AUTS2: variants seen among roughly 807,000 people sequenced by gnomAD.
AUTS2 encodes activator of transcription and developmental regulator AUTS2.
In AUTS2, 17 loss-of-function variants were observed where a neutral mutation model predicts 112.4. That is an observed-to-expected ratio of 0.15 (90% confidence interval 0.10 to 0.23). The LOEUF is 0.23. Among genes scored for constraint, AUTS2 ranks in the 10% least tolerant of loss-of-function variants. The probability of loss-of-function intolerance (pLI) is 1.00; values close to 1 mark genes in which losing one functional copy is unlikely to be tolerated. For synonymous variants in AUTS2, 751 were observed against 702.7 expected (o/e 1.07, Z -1.09); for missense variants, 1,510 against 1,701.6 (o/e 0.89, Z 1.98).
intron 1 of AUTS2, among the ~76,000 whole-genome samples, chr7:69,716,230 TTGTGTGTGTGTGTCTG>T: frequency 6.6e-6 from 1 of 151,408 alleles, no homozygotes; most frequent in East Asian, 1.9e-4. Flanking sequence ...GTGTGTGTGT[TTGTGTGTGTGTGTCTG>T]TGTGTGTGTG....
chr7:69,919,443 T>G (rs892640913), intron 2 of AUTS2, among the ~76,000 whole-genome samples: 1 of 152,212 alleles, frequency 6.6e-6, no homozygotes, highest in South Asian at 2.1e-4. Flanking sequence ...ATTCATTTGA[T>G]CACTTAAGAG....
intron 1 of AUTS2, among the ~76,000 whole-genome samples, chr7:69,710,544 G>A (rs1798268610): frequency 6.6e-6 from 1 of 152,280 alleles, no homozygotes; most frequent in Middle Eastern, 3.4e-3. Flanking sequence ...AGCAACCACA[G>A]GTTTTTACAA....
chr7:70,326,320 C>T (rs1790483989), intron 4 of AUTS2, among the ~76,000 whole-genome samples: 1 of 152,224 alleles, frequency 6.6e-6, no homozygotes. Context: ...CCAAGGCAGC[C>T]TTTCTTCACT....
chr7:70,379,237 C>T (rs180755410), intron 4 of AUTS2, among the ~76,000 whole-genome samples: 11 of 152,192 alleles, frequency 7.2e-5, no homozygotes, highest in Admixed American at 2.0e-4. Flanking sequence ...CGGTGGCTCA[C>T]GTCTGTAATC....
chr7:70,078,768 AG>A (rs1803160754), intron 2 of AUTS2, among the ~76,000 whole-genome samples: 2 of 152,220 alleles, frequency 1.3e-5, no homozygotes, highest in South Asian at 4.1e-4. Flanking sequence ...AGAGAATGAG[AG>A]AAGCATCCTG....
intron 1 of AUTS2, among the ~76,000 whole-genome samples, chr7:69,721,740 A>G (rs186363683): frequency 2.0e-4 from 31 of 152,324 alleles, no homozygotes; most frequent in African/African-American, 7.5e-4. Context: ...TGGATCTTGA[A>G]TGATAAAGAG....
intron 1 of AUTS2, among the ~76,000 whole-genome samples, chr7:69,781,490 C>T (rs1017604920): frequency 1.3e-5 from 2 of 152,164 alleles, no homozygotes; most frequent in African/African-American, 2.4e-5. Flanking sequence ...AGCTTGGCCT[C>T]GGCATAAGCT....
At chr7:70,735,495 C>T (rs939839134) in intron 6 of AUTS2, among the ~76,000 whole-genome samples, 6 of 152,084 alleles carry the variant, frequency 3.9e-5, no homozygotes, top group Admixed American at 1.3e-4. Context: ...GCGGATGTTC[C>T]GAAGAATGCA....
chr7:69,755,796 C>T (rs557876711), intron 1 of AUTS2, among the ~76,000 whole-genome samples: 7 of 151,980 alleles, frequency 4.6e-5, no homozygotes, highest in African/African-American at 1.2e-4. Flanking sequence ...TGGGCATGTA[C>T]GGGTCAAGAA....
chr7:69,811,308 A>G (rs1353748743), intron 1 of AUTS2, among the ~76,000 whole-genome samples: 1 of 152,104 alleles, frequency 6.6e-6, no homozygotes, highest in Non-Finnish European at 1.5e-5. Context: ...TGTGGTCACC[A>G]TATTGCATCA....
At chr7:70,738,395 CA>C (rs1787894781) in intron 6 of AUTS2, among the ~76,000 whole-genome samples, 1 of 145,310 alleles carries the variant, frequency 6.9e-6, no homozygotes, top group Non-Finnish European at 1.5e-5. Context: ...TCTCTTGGAG[CA>C]AAAAGTTGGA....
intron 1 of AUTS2, among the ~76,000 whole-genome samples, chr7:69,878,392 C>A (rs1008032065): frequency 3.9e-5 from 6 of 152,178 alleles, no homozygotes; most frequent in Admixed American, 3.3e-4. Flanking sequence ...TACCCCCACA[C>A]CTTTTCTTTT....
At chr7:70,741,817 G>C (rs546098877) in intron 6 of AUTS2, among the ~76,000 whole-genome samples, 3 of 152,150 alleles carry the variant, frequency 2.0e-5, no homozygotes, top group Admixed American at 2.0e-4. Flanking sequence ...TTATAGTGGC[G>C]TGGTGGAAGG....
chr7:70,644,101 A>G (rs532075377), intron 5 of AUTS2, among the ~76,000 whole-genome samples: 27 of 152,340 alleles, frequency 1.8e-4, no homozygotes, highest in Admixed American at 9.8e-4. Context: ...CCATCCATCA[A>G]TTGGCTCATT....
At chr7:70,126,714 G>A (rs1313828010) in intron 3 of AUTS2, among the ~76,000 whole-genome samples, 1 of 152,152 alleles carries the variant, frequency 6.6e-6, no homozygotes, top group Non-Finnish European at 1.5e-5. Context: ...TAATAAACAA[G>A]CCTCAAATTA....
chr7:70,757,613 A>C (rs1789291973), intron 6 of AUTS2, among the ~76,000 whole-genome samples: 1 of 151,874 alleles, frequency 6.6e-6, no homozygotes, highest in Non-Finnish European at 1.5e-5. Flanking sequence ...AATTTTAGCA[A>C]TTTATATTTT....
At chr7:69,725,008 A>G (rs1786438784) in intron 1 of AUTS2, among the ~76,000 whole-genome samples, 1 of 152,200 alleles carries the variant, frequency 6.6e-6, no homozygotes, top group Non-Finnish European at 1.5e-5. Context: ...CGAAGTTTTT[A>G]ATCTTCAGTC....
At chr7:70,710,513 C>T (rs1002773217) in intron 6 of AUTS2, among the ~76,000 whole-genome samples, 1 of 152,166 alleles carries the variant, frequency 6.6e-6, no homozygotes, top group Non-Finnish European at 1.5e-5. Context: ...TTTTCTTTTG[C>T]TAGAAGGTGA....
intron 4 of AUTS2, among the ~76,000 whole-genome samples, chr7:70,418,073 TTC>T (rs985238516): frequency 2.4e-5 from 3 of 123,200 alleles, no homozygotes; most frequent in Non-Finnish European, 3.6e-5. Flanking sequence ...GTGGCTAACT[TTC>T]TGTGTGTGTG....
Sources: allele counts gnomAD v4.1 joint callset (sites outside exome capture counted in the v4.1 genomes callset), GRCh38; gene constraint gnomAD v4.1.1; transcripts MANE v1.5; gene names NCBI Gene and HGNC (gene_info 2026-07-23, HGNC 2026-07-21).